RASA3: variants seen among roughly 807,000 people sequenced by gnomAD.
RASA3 encodes ras GTPase-activating protein 3.
In RASA3, 73 loss-of-function variants were observed where a neutral mutation model predicts 110.0. The observed-to-expected ratio is 0.66, with a 90% CI of 0.55 to 0.81. The LOEUF is 0.81. Ranked by LOEUF, RASA3 falls within the 30% of genes least tolerant of loss-of-function variation. The pLI, the probability that RASA3 is intolerant of heterozygous loss-of-function variation, is 0.00. For missense variants in RASA3, 976 were observed against 1,113.2 expected, an observed-to-expected ratio of 0.88 and a Z score of 1.75; for synonymous variants, 500 against 451.4, an observed-to-expected ratio of 1.11 and a Z score of -1.37.
chr13:114,039,330 A>C (rs1364176407), intron 4 of RASA3, among the ~76,000 whole-genome samples: 1 of 143,684 alleles, frequency 7.0e-6, no homozygotes, highest in Non-Finnish European at 1.5e-5. Flanking sequence ...TGTCCCAGGG[A>C]CGCTGTGCAG....
In RASA3 at chr13:114,004,450, C is replaced by G. The variant is rs186720161; in HGVS notation, c.1742+3083G>C. Among the ~76,000 whole-genome samples, 14 of 152,110 alleles carry G rather than the reference C, an allele frequency of 9.2e-5. No homozygotes were observed. In the South Asian group the frequency reaches 2.9e-3, roughly 32 times the overall value. Reference sequence around the variant, plus strand: ...CGTTTTTCAGAAGACAAATGGCCAACAAGCATACGATATAAAGCCCAGCGT... The same window carrying G: ...CGTTTTTCAGAAGACAAATGGCCAAGAAGCATACGATATAAAGCCCAGCGT... On this transcript the variant is annotated intron_variant, in intron 18 of 23. Transcript: ENST00000334062.
chr13:114,124,430 T>C (rs1222781891), intron 1 of RASA3, among the ~76,000 whole-genome samples: 2 of 152,194 alleles, frequency 1.3e-5, no homozygotes, highest in Admixed American at 6.5e-5. Flanking sequence ...ATGGGGAAAC[T>C]CACTTCCGGG....
At chr13:114,001,614 G>C (rs543489208) in intron 18 of RASA3, among the ~76,000 whole-genome samples, 1 of 149,864 alleles carries the variant, frequency 6.7e-6, no homozygotes, top group African/African-American at 2.5e-5. Flanking sequence ...ACAGGCTCGG[G>C]GTCAGGGCGG....
chr13:113,984,750 AC>A (rs2053013740), intron 22 of RASA3, among the ~76,000 whole-genome samples: 3 of 68,678 alleles, frequency 4.4e-5, no homozygotes, highest in African/African-American at 9.3e-5. Context: ...CTGTCCATCC[AC>A]CCATTACTCA....
At chr13:114,047,019 T>C (rs918743341) in intron 3 of RASA3, among the ~76,000 whole-genome samples, 13 of 152,188 alleles carry the variant, frequency 8.5e-5, no homozygotes, top group African/African-American at 3.1e-4. Context: ...GGCAAGACTT[T>C]CTTAGACATG....
chr13:114,011,652 G>A lies in RASA3; in HGVS notation c.1513-404C>T, dbSNP rs1037812986. On this transcript the variant is annotated intron_variant, in intron 15 of 23. Coordinates refer to ENST00000334062, the MANE Select transcript of RASA3 (RefSeq NM_007368.4). This position sits in a 1 kb window ranked among gnomAD's most constrained non-coding sequence, Gnocchi z 4.8. ...TCAGAAGTGCTGGGGGCCGGGCTTG[G>A]TGGCTCACGCCTGTAATCCCAGCAC... Among the ~76,000 whole-genome samples the A allele has an allele frequency of 6.6e-6, 1 of 152,026 alleles. No individual in the cohort carries two copies. The highest frequency in any genetic ancestry group is 1.5e-5 in the Non-Finnish European group (1 of 67,968).
At chr13:114,105,539 G>T (rs990379707) in intron 1 of RASA3, among the ~76,000 whole-genome samples, 4 of 152,094 alleles carry the variant, frequency 2.6e-5, no homozygotes, top group Admixed American at 6.5e-5. Flanking sequence ...ACGGGGACAG[G>T]GACCACCGGC....
At chr13:114,051,282 C>A (rs575342038) in intron 3 of RASA3, among the ~76,000 whole-genome samples, 69 of 152,346 alleles carry the variant, frequency 4.5e-4, no homozygotes, top group Middle Eastern at 3.4e-3. Context: ...CCCGGCCGCC[C>A]GTCCTGGGCG....
intron 12 of RASA3, 38 bp downstream of exon 12, chr13:114,017,199 C>A (rs373057686): frequency 7.8e-5 from 121 of 1,560,410 alleles, no homozygotes; most frequent in Non-Finnish European, 9.8e-5. Flanking sequence ...ATCCTCCCCA[C>A]GCCTCGTGAG....
intron 1 of RASA3, among the ~76,000 whole-genome samples, chr13:114,093,971 T>C (rs1457181533): frequency 6.6e-6 from 1 of 152,126 alleles, no homozygotes; most frequent in Non-Finnish European, 1.5e-5. Context: ...TTCTTGAAGT[T>C]CATTGAGCTT....
chr13:114,005,318 C>G (rs2053490451), intron 18 of RASA3, among the ~76,000 whole-genome samples: 1 of 152,190 alleles, frequency 6.6e-6, no homozygotes, highest in African/African-American at 2.4e-5. Flanking sequence ...GGGAGCCGGG[C>G]CACAGGACGG....
chr13:113,993,619 C>A (rs61967989), intron 21 of RASA3, among the ~76,000 whole-genome samples: 48,070 of 150,820 alleles, frequency 0.32, 7,768 homozygotes, highest in East Asian at 0.41. Context: ...ACCATCCTGG[C>A]CAACATGGTG....
intron 18 of RASA3, among the ~76,000 whole-genome samples, chr13:114,005,031 C>T (rs960165594): frequency 1.1e-4 from 17 of 152,296 alleles, no homozygotes; most frequent in East Asian, 7.7e-4. Flanking sequence ...AAAAGCCAAA[C>T]GCCCCATGTT....
At chr13:114,122,325 AC>A (rs1203105417) in intron 1 of RASA3, among the ~76,000 whole-genome samples, 3 of 152,258 alleles carry the variant, frequency 2.0e-5, no homozygotes, top group East Asian at 1.9e-4. Context: ...GGAGCATCCC[AC>A]CCGGACCTCG....
In RASA3 at chr13:114,076,473, G is replaced by A. The variant is rs9590551; in HGVS notation, c.56-2636C>T. On this transcript the variant is annotated intron_variant, in intron 1 of 23. Transcript: ENST00000334062. ...GACAGGCTTTCCGAAGGCTCCCACC[G>A]ATGTGAAGATCCCACACGCAGCACA... Among the ~76,000 whole-genome samples, 1,473 of 152,238 alleles carry A rather than the reference G, an allele frequency of 9.7e-3. 16 individuals are homozygous for A. The highest frequency in any genetic ancestry group is 0.034 in the African/African-American group (1,420 of 41,530).
chr13:114,017,363 C>T lies in RASA3; in HGVS notation c.1092-12G>A, dbSNP rs188936796. ...TGGTGTTGGGGTCCCTGGGAAATGG[C>T]GATGGGGACAGCGTTTGTCTCCTGG... On this transcript the variant is annotated splice_polypyrimidine_tract_variant and intron_variant, in intron 11 of 23. Coordinates refer to ENST00000334062, the MANE Select transcript of RASA3 (RefSeq NM_007368.4). 1.1e-4 allele frequency: 170 copies of T among 1,605,404 alleles called. No individual in the cohort carries two copies. The African/African-American group carries it at 2.0e-3, about 19-fold the overall frequency.
In RASA3 at chr13:114,115,527, T is replaced by C. The variant is rs1003471525; in HGVS notation, c.55+16908A>G. ...CTCACTTCCTGTCGCAAGAGACTCA[T>C]GCCCTAGAGATAAAGCCGTCGGAGG... is the stretch of plus-strand genomic sequence containing the variant. On this transcript the variant is annotated intron_variant, in intron 1 of 23. Transcript: ENST00000334062. This position sits in a 1 kb window ranked among gnomAD's most constrained non-coding sequence, Gnocchi z 5.0. 1.3e-5 allele frequency among the ~76,000 whole-genome samples: 2 copies of C among 152,240 alleles called. No individual in the cohort carries two copies. The highest frequency in any genetic ancestry group is 2.9e-5 in the Non-Finnish European group (2 of 68,042).
chr13:114,090,662 G>A (rs2079879299), intron 1 of RASA3, among the ~76,000 whole-genome samples: 1 of 152,198 alleles, frequency 6.6e-6, no homozygotes, highest in Non-Finnish European at 1.5e-5. Flanking sequence ...TCACAGCAGA[G>A]AGCCCACGTG....
At position 114,014,551 on chromosome 13, in the gene RASA3, C is replaced by T. The variant is rs2053746481; in HGVS notation, c.1405+658G>A. ...AGGCCCTCGCTGAGCCTCTCAGCGC[C>T]CCATACATAGCCTGAGTCCTGGCGG... On this transcript the variant is annotated intron_variant, in intron 14 of 23. Transcript: ENST00000334062. The surrounding 1 kb of genome is among the most constrained non-coding windows in gnomAD (Gnocchi z 4.5). 2.6e-5 allele frequency among the ~76,000 whole-genome samples: 4 copies of T among 152,152 alleles called. No individual in the cohort carries two copies. In the South Asian group the frequency reaches 8.3e-4, roughly 32 times the overall value.
Sources: gnomAD v4.1 joint callset for allele counts (sites outside exome capture counted in the v4.1 genomes callset) on GRCh38, gnomAD v4.1.1 for gene constraint, Gnocchi (gnomAD v3.1) non-coding constraint, MANE v1.5 for transcripts, NCBI Gene and HGNC (gene_info 2026-07-23, HGNC 2026-07-21) for gene names.